ERC2: variants seen among roughly 807,000 people sequenced by gnomAD.
The protein encoded by ERC2 is ELKS/RAB6-interacting/CAST family member 2.
ERC2 carries 42 observed loss-of-function variants against 114.8 expected under a neutral mutation model. The ratio of observed to expected loss-of-function variants is 0.37; its 90% CI spans 0.29 to 0.47. ERC2 has a LOEUF of 0.47. Among genes scored for constraint, ERC2 ranks in the 20% least tolerant of loss-of-function variants. The pLI is 0.99. For synonymous variants in ERC2, 454 were observed against 425.5 expected, an observed-to-expected ratio of 1.07 and a Z score of -0.82; for missense variants, 939 against 1,150.7, an observed-to-expected ratio of 0.82 and a Z score of 2.66.
At chr3:55,534,395 C>CAA (rs34419845) in intron 17 of ERC2, among the ~76,000 whole-genome samples, 51,895 of 106,790 alleles carry the variant, frequency 0.49, 11,551 homozygotes, top group East Asian at 0.71. Context: ...GAGACCCTGT[C>CAA]AAAAAAAAAA....
intron 7 of ERC2, among the ~76,000 whole-genome samples, chr3:56,028,236 C>A (rs1255204094): frequency 6.6e-6 from 1 of 152,064 alleles, no homozygotes; most frequent in Non-Finnish European, 1.5e-5. Context: ...TAGAGTGAAT[C>A]TTTTAACCTT....
chr3:55,660,879 T>C (rs182597077), intron 17 of ERC2, among the ~76,000 whole-genome samples: 1 of 152,318 alleles, frequency 6.6e-6, no homozygotes, highest in Admixed American at 6.5e-5. Flanking sequence ...GCATAAATCC[T>C]TGTAGGGCTG....
intron 14 of ERC2, among the ~76,000 whole-genome samples, chr3:55,805,234 C>T (rs1406296392): frequency 6.6e-6 from 1 of 151,938 alleles, no homozygotes; most frequent in African/African-American, 2.4e-5. Flanking sequence ...TTGTCACCTA[C>T]TATATGTTTT....
In ERC2 at chr3:55,590,399, G is replaced by A. The variant is rs112040607; in HGVS notation, c.*40-79123C>T. Among the ~76,000 whole-genome samples the A allele has an allele frequency of 2.3e-4, 35 of 152,232 alleles. 1 individual carries two copies. The highest frequency in any genetic ancestry group is 7.7e-4 in the African/African-American group (32 of 41,538). On this transcript the variant is annotated intron_variant, in intron 17 of 17. Transcript: ENST00000288221. ...CTCTGACTCAGAAGTTGTCCTTCTG[G>A]GAATTGATTCTGCAGAAATAAAAGC...
intron 6 of ERC2, among the ~76,000 whole-genome samples, chr3:56,113,490 C>T (rs1394051000): frequency 6.6e-6 from 1 of 152,156 alleles, no homozygotes; most frequent in African/African-American, 2.4e-5. Context: ...ATTCCACACA[C>T]TTTGCAGTGG....
At chr3:56,418,460 G>T (rs2061258101) in intron 2 of ERC2, among the ~76,000 whole-genome samples, 1 of 152,172 alleles carries the variant, frequency 6.6e-6, no homozygotes, top group Non-Finnish European at 1.5e-5. Flanking sequence ...TGACTTTGGA[G>T]TTAGTCTGCC....
At chr3:56,011,199 T>G (rs141660466) in intron 8 of ERC2, among the ~76,000 whole-genome samples, 1 of 152,208 alleles carries the variant, frequency 6.6e-6, no homozygotes, top group African/African-American at 2.4e-5. Context: ...TTTTCAGTGG[T>G]TTCTTGATAG....
intron 14 of ERC2, among the ~76,000 whole-genome samples, chr3:55,749,468 G>A (rs914724454): frequency 6.6e-6 from 1 of 152,166 alleles, no homozygotes; most frequent in Non-Finnish European, 1.5e-5. Flanking sequence ...GTGGGGACTT[G>A]GGGAACTTTT....
intron 13 of ERC2, among the ~76,000 whole-genome samples, chr3:55,930,355 G>C (rs897262042): frequency 1.3e-5 from 2 of 152,170 alleles, no homozygotes; most frequent in Admixed American, 6.6e-5. Flanking sequence ...GAAGTCAGGA[G>C]AGTGGTTATT....
At chr3:56,233,505 G>A (rs1234318725) in intron 3 of ERC2, among the ~76,000 whole-genome samples, 2 of 151,962 alleles carry the variant, frequency 1.3e-5, no homozygotes, top group African/African-American at 4.8e-5. Context: ...TTAGCCGGGA[G>A]TGGTGGCAGG....
chr3:55,555,288 T>C (rs968020842), intron 17 of ERC2, among the ~76,000 whole-genome samples: 8 of 152,216 alleles, frequency 5.3e-5, no homozygotes, highest in Admixed American at 3.3e-4. Context: ...TTTCGTTGTC[T>C]TGACCGGTGG....
intron 2 of ERC2, among the ~76,000 whole-genome samples, chr3:56,344,033 T>A (rs1252897697): frequency 6.6e-6 from 1 of 152,190 alleles, no homozygotes; most frequent in African/African-American, 2.4e-5. Flanking sequence ...CACCCACCTA[T>A]GCCTATGTTA....
At chr3:55,540,890 C>T (rs2054350944) in intron 17 of ERC2, among the ~76,000 whole-genome samples, 1 of 152,180 alleles carries the variant, frequency 6.6e-6, no homozygotes, top group South Asian at 2.1e-4. Context: ...GTTGGCTGTT[C>T]CTTACTTCCC....
chr3:55,717,856 C>G (rs1346760343), intron 15 of ERC2, among the ~76,000 whole-genome samples: 1 of 152,182 alleles, frequency 6.6e-6, no homozygotes, highest in Non-Finnish European at 1.5e-5. Context: ...ATCCACAGAT[C>G]GTGCAGAAGG....
intron 2 of ERC2, among the ~76,000 whole-genome samples, chr3:56,315,298 T>G (rs1386188612): frequency 6.6e-6 from 1 of 152,170 alleles, no homozygotes; most frequent in Non-Finnish European, 1.5e-5. Flanking sequence ...TGTTAAGAAT[T>G]AAGGGGCCAC....
chr3:55,955,483 A>G (rs566844491), intron 12 of ERC2, among the ~76,000 whole-genome samples: 26 of 152,286 alleles, frequency 1.7e-4, no homozygotes, highest in African/African-American at 6.3e-4. Flanking sequence ...TATACATGGA[A>G]TCATATCGTA....
intron 17 of ERC2, among the ~76,000 whole-genome samples, chr3:55,601,036 C>G (rs926456025): frequency 6.6e-6 from 1 of 152,310 alleles, no homozygotes; most frequent in South Asian, 2.1e-4. Flanking sequence ...GCACACCATG[C>G]GGACGGGGGC....
intron 3 of ERC2, among the ~76,000 whole-genome samples, chr3:56,240,123 T>G (rs2051229466): frequency 6.6e-6 from 1 of 152,238 alleles, no homozygotes; most frequent in South Asian, 2.1e-4. Context: ...ACACACATAT[T>G]CTAACACCTG....
At chr3:56,221,054 T>C (rs2049870441) in intron 3 of ERC2, among the ~76,000 whole-genome samples, 1 of 152,146 alleles carries the variant, frequency 6.6e-6, no homozygotes, top group South Asian at 2.1e-4. Flanking sequence ...TCTAATACTA[T>C]GATAGATGAA....
Sources: allele counts gnomAD v4.1 joint callset (sites outside exome capture counted in the v4.1 genomes callset), GRCh38; gene constraint gnomAD v4.1.1; transcripts MANE v1.5; gene names NCBI Gene and HGNC (gene_info 2026-07-23, HGNC 2026-07-21).